The following XPR1 variants were observed in gnomAD, a reference collection of about 807,000 sequenced individuals.
The protein encoded by XPR1 is xenotropic and polytropic retrovirus receptor 1.
A neutral mutation model predicts 87.5 loss-of-function variants in XPR1; 28 were observed. That is an observed-to-expected ratio of 0.32 (90% CI 0.24 to 0.44). XPR1 has a LOEUF of 0.44. Ranked by LOEUF, XPR1 falls within the 20% of genes least tolerant of loss-of-function variation. The pLI is 1.00. For missense variants in XPR1, 559 were observed against 862.3 expected (o/e 0.65, Z 4.41); for synonymous variants, 300 against 306.1 (o/e 0.98, Z 0.21).
At chr1:180,819,270 G>C (rs561808727) in intron 7 of XPR1, among the ~76,000 whole-genome samples, 1 of 152,250 alleles carries the variant, frequency 6.6e-6, no homozygotes, top group South Asian at 2.1e-4. Context: ...GAACCATTTT[G>C]AAAGTAAATA....
chr1:180,673,482 C>G (rs1400137769), intron 1 of XPR1, among the ~76,000 whole-genome samples: 1 of 152,146 alleles, frequency 6.6e-6, no homozygotes, highest in Non-Finnish European at 1.5e-5. Flanking sequence ...TTTATATCAT[C>G]TAGATCAGGG....
chr1:180,722,268 G>A (rs962310281), intron 2 of XPR1, among the ~76,000 whole-genome samples: 6 of 152,160 alleles, frequency 3.9e-5, no homozygotes, highest in African/African-American at 1.4e-4. Flanking sequence ...GCTAATTTTT[G>A]TATTTTTAGT....
rs200044209 is a variant in XPR1 at position 180,744,650 on chromosome 1, C to CTTTTTTTTTTTTTTTT, written c.122-43100_122-43099insTTTTTTTTTTTTTTTT. 8.8e-4 allele frequency among the ~76,000 whole-genome samples: 50 copies of CTTTTTTTTTTTTTTTT among 56,946 alleles called. 5 individuals carry two copies. Among genetic ancestry groups the CTTTTTTTTTTTTTTTT allele is most frequent in the African/African-American group, 1.3e-3 (23 of 17,132 alleles). 37.4% of individuals were successfully genotyped at this position (56,946 alleles called of 152,430 possible). On this transcript the variant is annotated intron_variant, in intron 2 of 14. Transcript: ENST00000367590. ...ACTTGTTCAGGTTTAGGCACAATTT[C>CTTTTTTTTTTTTTTTT]TTTCTTTTTTTTTTTTTTGAGACAG...
intron 9 of XPR1, among the ~76,000 whole-genome samples, chr1:180,829,202 A>T (rs985284713): frequency 6.6e-6 from 1 of 152,146 alleles, no homozygotes; most frequent in East Asian, 1.9e-4. Context: ...CTTCTTAGCT[A>T]TTTATCAGTA....
rs1648425077 is a variant in XPR1 at position 180,769,539 on chromosome 1, G to A, written c.122-18214G>A. On this transcript the variant is annotated intron_variant, in intron 2 of 14. Transcript: ENST00000367590. ...AAATAAGTGAGAACCTGCAATGTTT[G>A]TGTTTCTGTGCCTGGCTTATTTTGT... Among the ~76,000 whole-genome samples, 3 of 150,878 alleles carry A rather than the reference G, an allele frequency of 2.0e-5. No homozygotes were observed. The South Asian group carries it at 6.3e-4, about 31-fold the overall frequency.
intron 1 of XPR1, among the ~76,000 whole-genome samples, 188 bp downstream of exon 1, chr1:180,632,458 C>T (rs1251995934): frequency 6.6e-6 from 1 of 152,060 alleles, no homozygotes; most frequent in Non-Finnish European, 1.5e-5. Context: ...CCTTCCCCTC[C>T]CCCGCAGCCC....
At chr1:180,855,738 G>A (rs2102196761) in intron 11 of XPR1, among the ~76,000 whole-genome samples, 1 of 151,750 alleles carries the variant, frequency 6.6e-6, no homozygotes, top group Middle Eastern at 3.5e-3. Flanking sequence ...TCCTAACTCA[G>A]CCTTTTCCTC....
intron 1 of XPR1, among the ~76,000 whole-genome samples, chr1:180,651,156 A>G (rs1345921407): frequency 1.3e-5 from 2 of 149,038 alleles, no homozygotes; most frequent in Non-Finnish European, 3.0e-5. Context: ...CCCAGGCTGG[A>G]TCTCAGCTCA....
chr1:180,785,007 G>T (rs1571835449), intron 2 of XPR1, among the ~76,000 whole-genome samples: 1 of 118,372 alleles, frequency 8.4e-6, no homozygotes, highest in Non-Finnish European at 1.7e-5. Flanking sequence ...TCGTGTGTGT[G>T]TGTTTGTGTG....
intron 3 of XPR1, among the ~76,000 whole-genome samples, chr1:180,801,884 C>A (rs1395923032): frequency 6.6e-6 from 1 of 151,458 alleles, no homozygotes; most frequent in Non-Finnish European, 1.5e-5. Context: ...GCAACCTCTG[C>A]CTCCCGAATT....
intron 1 of XPR1, among the ~76,000 whole-genome samples, chr1:180,671,556 G>A (rs1051839170): frequency 2.0e-5 from 3 of 151,980 alleles, no homozygotes; most frequent in South Asian, 2.1e-4. Context: ...ACGGAGTCTC[G>A]TCCTGTCACC....
At chr1:180,799,678 A>G (rs1274104722) in intron 3 of XPR1, among the ~76,000 whole-genome samples, 1 of 152,184 alleles carries the variant, frequency 6.6e-6, no homozygotes, top group African/African-American at 2.4e-5. Context: ...ACTGCCTAAT[A>G]GAAGGCATCC....
chr1:180,820,434 T>C (rs1255030467), intron 7 of XPR1, among the ~76,000 whole-genome samples: 6 of 152,240 alleles, frequency 3.9e-5, no homozygotes, highest in East Asian at 1.9e-4. Context: ...GGTTCATCCA[T>C]GTTGTAGCAT....
chr1:180,684,789 T>C (rs550304239), intron 2 of XPR1, among the ~76,000 whole-genome samples: 1 of 152,330 alleles, frequency 6.6e-6, no homozygotes, highest in Admixed American at 6.5e-5. Flanking sequence ...GCTCTCTGTT[T>C]GTCTGTTATT....
rs1287454721 is a variant in XPR1, at chr1:180,777,914, G to C, written c.122-9839G>C. On this transcript the variant is annotated intron_variant, in intron 2 of 14. Transcript: ENST00000367590. ...ATAATTAAAATGCAAAGAGGTAGTG[G>C]TGATAGTAAAGTTAGTGCCTCTCAA... Among the ~76,000 whole-genome samples the C allele has an allele frequency of 2.6e-5, 4 of 152,290 alleles. No homozygotes were observed. The East Asian group carries it at 7.7e-4, about 29-fold the overall frequency.
intron 1 of XPR1, among the ~76,000 whole-genome samples, chr1:180,680,972 C>T (rs1170093932): frequency 6.6e-6 from 1 of 152,080 alleles, no homozygotes; most frequent in African/African-American, 2.4e-5. Flanking sequence ...AGTTAAACAC[C>T]ACATGTTCTC....
chr1:180,727,178 A>G (rs545906099), intron 2 of XPR1, among the ~76,000 whole-genome samples: 2 of 152,120 alleles, frequency 1.3e-5, no homozygotes, highest in African/African-American at 4.8e-5. Context: ...GTATGCTTTA[A>G]TCTCTAATAT....
rs555993988 is a variant in XPR1 at position 180,782,686 on chromosome 1, TC to T, written c.122-5065del. On this transcript the variant is annotated intron_variant, in intron 2 of 14. Transcript: ENST00000367590. ...TAGTTGCCTCTTTAAAGGCCCTGTC[TC>T]CAAATACAAGTCACATTGTGGGGTT... is the stretch of plus-strand genomic sequence containing the variant. Among the ~76,000 whole-genome samples, 4 of 152,060 alleles carry T rather than the reference TC, an allele frequency of 2.6e-5. No homozygotes were observed. In the South Asian group the frequency reaches 8.3e-4, roughly 32 times the overall value.
chr1:180,787,278 T>A (rs538301347), intron 2 of XPR1, among the ~76,000 whole-genome samples: 6 of 135,142 alleles, frequency 4.4e-5, no homozygotes, highest in Non-Finnish European at 9.4e-5. Context: ...TACAAAGAGG[T>A]TTTTTTTGTT....
Sources: allele counts gnomAD v4.1 joint callset (sites outside exome capture counted in the v4.1 genomes callset), GRCh38; gene constraint gnomAD v4.1.1; transcripts MANE v1.5; gene names NCBI Gene and HGNC (gene_info 2026-07-23, HGNC 2026-07-21).